The following TUT7 variants were observed in gnomAD, a reference collection of about 807,000 sequenced individuals.
The protein encoded by TUT7 is terminal uridylyltransferase 7.
In TUT7, 33 loss-of-function variants were observed where a neutral mutation model predicts 165.9. That is an observed-to-expected ratio of 0.20 (90% CI 0.15 to 0.27). TUT7 has a LOEUF of 0.27. Ranked by LOEUF, TUT7 falls within the 10% of genes least tolerant of loss-of-function variation. The pLI is 1.00. For synonymous variants in TUT7, 552 were observed against 608.1 expected, an observed-to-expected ratio of 0.91 and a Z score of 1.36; for missense variants, 1,338 against 1,762.3, an observed-to-expected ratio of 0.76 and a Z score of 4.31.
At chr9:86,328,633 T>A in intron 10 of TUT7, 141 bp from the exon 11 acceptor site, 1 of 555,110 alleles carries the variant, frequency 1.8e-6, no homozygotes, top group Non-Finnish European at 2.8e-6. Context: ...CAGAGACATC[T>A]ATACATTTAA....
At chr9:86,292,864 C>A (rs536252691) in intron 26 of TUT7, among the ~76,000 whole-genome samples, 20 of 152,140 alleles carry the variant, frequency 1.3e-4, no homozygotes, top group African/African-American at 4.6e-4. Flanking sequence ...TTCTGTTTTT[C>A]CCAAAATGTT....
chr9:86,319,731 T>A, intron 14 of TUT7, 61 bp from the exon 15 acceptor site: 1 of 1,112,988 alleles, frequency 9.0e-7, no homozygotes, highest in Non-Finnish European at 1.3e-6. Flanking sequence ...TAGAAAAAGC[T>A]GAAAAAAATT....
chr9:86,315,990 T>C (rs953019139), intron 17 of TUT7, among the ~76,000 whole-genome samples: 3 of 152,158 alleles, frequency 2.0e-5, no homozygotes, highest in African/African-American at 7.2e-5. Context: ...TAGGTGTGTG[T>C]GCACGTTCAT....
chr9:86,315,069 A>T (rs771320386), intron 17 of TUT7, among the ~76,000 whole-genome samples: 33 of 152,208 alleles, frequency 2.2e-4, no homozygotes, highest in Non-Finnish European at 4.3e-4. Flanking sequence ...TTGGAAGATT[A>T]CCTTACCTCT....
chr9:86,336,136 G>C (rs924069815), intron 10 of TUT7, among the ~76,000 whole-genome samples: 1 of 152,164 alleles, frequency 6.6e-6, no homozygotes, highest in African/African-American at 2.4e-5. Context: ...TAGTGAGCAA[G>C]GCAACTTATC....
chr9:86,343,019 G>T (rs1014351834), intron 6 of TUT7, 56 bp downstream of exon 6: 7 of 1,150,490 alleles, frequency 6.1e-6, no homozygotes, highest in Non-Finnish European at 7.7e-6. Flanking sequence ...GTTTACATTT[G>T]TAAGAAAGAA....
At chr9:86,315,950 T>A (rs1328193387) in intron 17 of TUT7, among the ~76,000 whole-genome samples, 1 of 152,134 alleles carries the variant, frequency 6.6e-6, no homozygotes, top group Non-Finnish European at 1.5e-5. Context: ...CAAAGAAAAG[T>A]GGCACCCAAG....
At chr9:86,335,144 T>G (rs1010517412) in intron 10 of TUT7, among the ~76,000 whole-genome samples, 2 of 152,178 alleles carry the variant, frequency 1.3e-5, no homozygotes, top group African/African-American at 4.8e-5. Context: ...GAATTTTACA[T>G]TCATTATCTC....
At chr9:86,291,388 T>G (rs545965236) in intron 26 of TUT7, among the ~76,000 whole-genome samples, 1 of 152,086 alleles carries the variant, frequency 6.6e-6, no homozygotes, top group South Asian at 2.1e-4. Context: ...CTGGCCAACA[T>G]GGTGAAACCC....
intron 12 of TUT7, 93 bp from the exon 13 acceptor site, chr9:86,324,053 G>A: frequency 2.7e-6 from 3 of 1,116,034 alleles, no homozygotes; most frequent in South Asian, 2.2e-5. Context: ...GATAAAAACA[G>A]ACAACAAACA....
intron 25 of TUT7, 46 bp downstream of exon 25, chr9:86,303,040 A>G: frequency 1.1e-6 from 1 of 895,564 alleles, no homozygotes; most frequent in Non-Finnish European, 1.7e-6. Flanking sequence ...AAATTGGGAC[A>G]TTAAGAAAAT....
intron 17 of TUT7, among the ~76,000 whole-genome samples, chr9:86,312,053 A>G (rs1243738859): frequency 6.6e-6 from 1 of 151,840 alleles, no homozygotes; most frequent in Admixed American, 6.6e-5. Flanking sequence ...CCGTCTGGGA[A>G]GTGAGGAGCA....
intron 10 of TUT7, among the ~76,000 whole-genome samples, chr9:86,331,267 C>A (rs1233278545): frequency 6.6e-6 from 1 of 151,954 alleles, no homozygotes; most frequent in Admixed American, 6.6e-5. Flanking sequence ...AACAAAAGAA[C>A]CAGCATGTAG....
chr9:86,323,041 A>C lies in TUT7; in HGVS notation c.2709T>G (p.Ala903=). 6.2e-7 allele frequency: 1 copy of C among 1,614,174 alleles called. No individual in the cohort carries two copies. Among genetic ancestry groups the C allele is most frequent in the Middle Eastern group, 1.6e-4 (1 of 6,062 alleles). The change falls in exon 13 of 27, where the codon GCT becomes GCG. Residue 903 remains alanine, a synonymous_variant. Transcript: ENST00000375963. ...CACATTCTTTCACGTCTTCATACTT[A>C]GCAGCTTCGCCTAACTCATCATCCT... is the stretch of plus-strand genomic sequence containing the variant. ...SEEDDELGEA[A]KYEDVKECGK... is the part of the protein sequence containing the mutation.
chr9:86,298,863 G>T (rs534165568), intron 26 of TUT7: 6 of 954,684 alleles, frequency 6.3e-6, no homozygotes, highest in Non-Finnish European at 7.5e-6. Context: ...TTACAAAATC[G>T]AAAGGAAGAG....
At chr9:86,316,918 AT>A (rs1283621016) in intron 17 of TUT7, among the ~76,000 whole-genome samples, 1 of 152,250 alleles carries the variant, frequency 6.6e-6, no homozygotes, top group Non-Finnish European at 1.5e-5. Flanking sequence ...CAATAAAAAA[AT>A]ACAAATAAAA....
At chr9:86,298,611 A>G (rs981863830) in intron 26 of TUT7, among the ~76,000 whole-genome samples, 1 of 152,216 alleles carries the variant, frequency 6.6e-6, no homozygotes, top group Non-Finnish European at 1.5e-5. Flanking sequence ...ATAAAGGTAG[A>G]GGATGGGCAA....
At chr9:86,324,616 T>C (rs1829625558) in intron 12 of TUT7, 2 of 103,234 alleles carry the variant, frequency 1.9e-5, no homozygotes, top group South Asian at 5.9e-4. Flanking sequence ...ACATAAAGCT[T>C]GAAAAAAAAA....
At chr9:86,331,260 A>T (rs1830288356) in intron 10 of TUT7, among the ~76,000 whole-genome samples, 1 of 152,150 alleles carries the variant, frequency 6.6e-6, no homozygotes. Context: ...TTAAAAAAAC[A>T]AAAGAACCAG....
Sources: gnomAD v4.1 joint callset for allele counts (sites outside exome capture counted in the v4.1 genomes callset) on GRCh38, gnomAD v4.1.1 for gene constraint, MANE v1.5 for transcripts, NCBI Gene and HGNC (gene_info 2026-07-23, HGNC 2026-07-21) for gene names.